Variants in TADA2A observed in about 807,000 individuals in gnomAD.
TADA2A encodes transcriptional adapter 2-alpha.
In TADA2A, 38 loss-of-function variants were observed where a neutral mutation model predicts 67.4. The ratio of observed to expected loss-of-function variants is 0.56; its 90% CI spans 0.44 to 0.74. The LOEUF is 0.74. TADA2A is among the 30% of genes least tolerant of loss of function. The pLI, the probability that TADA2A is intolerant of heterozygous loss-of-function variation, is 0.00. For missense variants in TADA2A, 454 were observed against 547.0 expected (o/e 0.83, Z 1.70); for synonymous variants, 192 against 181.6 (o/e 1.06, Z -0.46).
At chr17:37,437,236 C>T (rs902855863) in intron 4 of TADA2A, among the ~76,000 whole-genome samples, 7 of 151,690 alleles carry the variant, frequency 4.6e-5, no homozygotes, top group South Asian at 2.1e-4. Context: ...GGACTACAGG[C>T]GCTCACCACC....
chr17:37,467,083 G>A (rs1012866620), intron 11 of TADA2A, among the ~76,000 whole-genome samples: 9 of 152,110 alleles, frequency 5.9e-5, no homozygotes, highest in Admixed American at 4.6e-4. Flanking sequence ...GCTTGAACCC[G>A]GGAGGTGGAG....
At chr17:37,407,102 G>GC (rs2051577332) in intron 1 of TADA2A, 153 bp downstream of exon 1, 1 of 145,754 alleles carries the variant, frequency 6.9e-6, no homozygotes, top group Admixed American at 6.8e-5. Flanking sequence ...CGGCAGGCTG[G>GC]CGGGCCGGCG....
chr17:37,407,657 TACTGC>T (rs566004766), intron 1 of TADA2A, among the ~76,000 whole-genome samples: 227 of 152,130 alleles, frequency 1.5e-3, no homozygotes, highest in Non-Finnish European at 2.3e-3. Flanking sequence ...TCCTAGGCTG[TACTGC>T]AGTGCAGTGG....
At position 37,477,088 on chromosome 17, in the gene TADA2A, G is replaced by C. The variant is rs543074246; in HGVS notation, c.*106G>C. On this transcript the variant is annotated 3_prime_UTR_variant, in exon 16 of 16. Coordinates refer to ENST00000615182, the MANE Select transcript of TADA2A (RefSeq NM_001166105.3). ...GTTGTTTTTCAGCTGAATTCTCATG[G>C]TGAAAACAGGGGAAAGGACAAAGGA... The C allele has an allele frequency of 1.0e-5, 12 of 1,187,852 alleles. No individual in the cohort carries two copies. In the African/African-American group the frequency reaches 1.7e-4, roughly 17 times the overall value. 73.6% of individuals were successfully genotyped at this position (1,187,852 alleles called of 1,614,324 possible). A position where few individuals can be genotyped will look rare whatever the true frequency, so the allele number is the denominator to read the frequency against.
intron 14 of TADA2A, among the ~76,000 whole-genome samples, chr17:37,472,987 G>T (rs2053822154): frequency 6.6e-6 from 1 of 151,706 alleles, no homozygotes; most frequent in Non-Finnish European, 1.5e-5. Context: ...TGTGAGACAG[G>T]GTCTCCCTCT....
chr17:37,434,272 C>T (rs931875400), intron 4 of TADA2A, among the ~76,000 whole-genome samples: 3 of 152,188 alleles, frequency 2.0e-5, no homozygotes, highest in Non-Finnish European at 4.4e-5. Context: ...GGTGAATTGC[C>T]TTCTCATTTT....
chr17:37,467,306 A>C lies in TADA2A; in HGVS notation c.824-148A>C. The C allele has an allele frequency of 1.3e-5, 8 of 612,880 alleles. No homozygotes were observed. In the South Asian group the frequency reaches 1.8e-4, roughly 14 times the overall value. The allele number at this position is 612,880 out of a possible 1,614,324, so 38.0% of individuals were successfully genotyped here. ...CCTCAGCTCTTGGGTAAAATTTCTA[A>C]TGAGAAGTTACCAACGAGTAGGATT... On this transcript the variant is annotated intron_variant, in intron 11 of 15. Transcript: ENST00000615182.
intron 15 of TADA2A, among the ~76,000 whole-genome samples, chr17:37,476,237 A>T (rs1373892504): frequency 6.6e-6 from 1 of 152,200 alleles, no homozygotes; most frequent in African/African-American, 2.4e-5. Flanking sequence ...ATTGCTGGAT[A>T]ATGTGGCAAT....
chr17:37,448,846 C>T (rs968236885), intron 8 of TADA2A, among the ~76,000 whole-genome samples: 3 of 152,160 alleles, frequency 2.0e-5, no homozygotes, highest in African/African-American at 7.2e-5. Flanking sequence ...AGTTTTCTCT[C>T]CTAGGCTTGG....
chr17:37,427,963 C>T (rs1372652083), intron 4 of TADA2A, among the ~76,000 whole-genome samples: 3 of 151,096 alleles, frequency 2.0e-5, no homozygotes, highest in African/African-American at 4.9e-5. Flanking sequence ...GCCTGGGCGA[C>T]AGAGTGAGAC....
At position 37,411,249 on chromosome 17, in the gene TADA2A, C is replaced by G. The variant is rs1330452789; in HGVS notation, c.-97-20C>G. On this transcript the variant is annotated intron_variant, in intron 1 of 15. Coordinates refer to ENST00000615182, the MANE Select transcript of TADA2A (RefSeq NM_001166105.3). ...TTTGAATGATTTTCTGATCCATGTG[C>G]CACTTTTGTTTGTTCCTAGGGAGTC... 1 of 874,824 alleles carries G rather than the reference C, an allele frequency of 1.1e-6. No individual in the cohort carries two copies. Among genetic ancestry groups the G allele is most frequent in the African/African-American group, 1.7e-5 (1 of 58,980 alleles). 54.2% of individuals were successfully genotyped at this position (874,824 alleles called of 1,614,324 possible).
At chr17:37,438,817 C>T (rs1362161564) in intron 5 of TADA2A, among the ~76,000 whole-genome samples, 1 of 152,144 alleles carries the variant, frequency 6.6e-6, no homozygotes, top group East Asian at 1.9e-4. Flanking sequence ...ATAGTCTAAA[C>T]CTCTCTGTCC....
At chr17:37,459,976 G>T (rs527611404) in intron 9 of TADA2A, among the ~76,000 whole-genome samples, 28 of 151,132 alleles carry the variant, frequency 1.9e-4, no homozygotes, top group African/African-American at 6.8e-4. Context: ...TGAGGCAGGA[G>T]AATTGCTTGA....
chr17:37,451,541 C>T (rs544790904), intron 8 of TADA2A, among the ~76,000 whole-genome samples: 13 of 152,082 alleles, frequency 8.5e-5, no homozygotes, highest in South Asian at 6.2e-4. Flanking sequence ...AGGCTGGTCT[C>T]GAACTCCTAA....
chr17:37,468,554 A>G (rs2053716469), intron 12 of TADA2A, among the ~76,000 whole-genome samples: 1 of 148,596 alleles, frequency 6.7e-6, no homozygotes. Flanking sequence ...TTCCCTAGAG[A>G]CTGACTCTTG....
At chr17:37,442,703 C>T (rs748968149) in intron 7 of TADA2A, 51 bp downstream of exon 7, 3 of 1,547,394 alleles carry the variant, frequency 1.9e-6, no homozygotes, top group Non-Finnish European at 2.7e-6. Context: ...ATTTTTGTTT[C>T]TCATGAGCCT....
chr17:37,460,894 C>T (rs1315703883), intron 9 of TADA2A, among the ~76,000 whole-genome samples: 2 of 151,520 alleles, frequency 1.3e-5, no homozygotes, highest in Admixed American at 1.3e-4. Flanking sequence ...ACTTGGGAGG[C>T]TAAGGTGAGA....
chr17:37,423,764 T>A, intron 3 of TADA2A, 149 bp downstream of exon 3: 2 of 638,092 alleles, frequency 3.1e-6, no homozygotes, highest in East Asian at 5.9e-5. Flanking sequence ...TTTTTTTTTT[T>A]TTTGAGATGG....
At chr17:37,450,135 T>C (rs1030823974) in intron 8 of TADA2A, among the ~76,000 whole-genome samples, 1 of 152,206 alleles carries the variant, frequency 6.6e-6, no homozygotes, top group Non-Finnish European at 1.5e-5. Flanking sequence ...TGTATTGCGC[T>C]GCATTCAAAG....
Sources: gnomAD v4.1 joint callset for allele counts (sites outside exome capture counted in the v4.1 genomes callset) on GRCh38, gnomAD v4.1.1 for gene constraint, MANE v1.5 for transcripts, NCBI Gene and HGNC (gene_info 2026-07-23, HGNC 2026-07-21) for gene names.